The following HDAC8 variants were observed in gnomAD, a reference collection of about 807,000 sequenced individuals.
HDAC8 encodes the protein histone deacetylase-like 1.
Under a neutral mutation model 32.2 loss-of-function variants are expected in HDAC8, and 1 was observed. The observed-to-expected ratio is 0.03, with a 90% CI of 0.01 to 0.15. The LOEUF (loss-of-function observed/expected upper bound fraction) is 0.15, where lower values mean the gene tolerates loss of function less well. Ranked by LOEUF, HDAC8 falls within the 10% of genes least tolerant of loss-of-function variation. The pLI is 1.00. For synonymous variants in HDAC8, 108 were observed against 113.9 expected (o/e 0.95, Z 0.33); for missense variants, 117 against 300.0 (o/e 0.39, Z 4.51).
At chrX:72,422,915 C>T (rs1450116095) in intron 9 of HDAC8, among the ~76,000 whole-genome samples, 6 of 111,438 alleles carry the variant, frequency 5.4e-5, no homozygotes, top group African/African-American at 9.8e-5. Flanking sequence ...GGGTCCCACA[C>T]TGCAAACACA....
chrX:72,422,097 T>C (rs948685854), intron 9 of HDAC8, among the ~76,000 whole-genome samples: 1 of 111,764 alleles, frequency 8.9e-6, no homozygotes, highest in Non-Finnish European at 1.9e-5. Context: ...TCTTTGTCTT[T>C]GTCAACAGTT....
chrX:72,342,537 T>C (rs1434028679), intron 10 of HDAC8, among the ~76,000 whole-genome samples: 1 of 112,521 alleles, frequency 8.9e-6, no homozygotes, highest in African/African-American at 3.2e-5. Context: ...GTTTACCTTA[T>C]TTTTCCTAAT....
chrX:72,497,859 A>G (rs782452857), intron 4 of HDAC8, among the ~76,000 whole-genome samples: 2 of 111,809 alleles, frequency 1.8e-5, no homozygotes, highest in Non-Finnish European at 3.8e-5. Flanking sequence ...TCTAAGTAAG[A>G]GAATGCTGAA....
At chrX:72,492,086 G>T (rs969934231) in intron 5 of HDAC8, among the ~76,000 whole-genome samples, 3 of 111,461 alleles carry the variant, frequency 2.7e-5, no homozygotes, top group African/African-American at 9.8e-5. Context: ...CAAAAAGCAT[G>T]AAGTAAAAAA....
intron 6 of HDAC8, among the ~76,000 whole-genome samples, chrX:72,490,102 A>T (rs2048813023): frequency 9.1e-6 from 1 of 110,028 alleles, no homozygotes; most frequent in African/African-American, 3.3e-5. Context: ...GTCAGGAAAC[A>T]ACAGGTGCTG....
intron 10 of HDAC8, among the ~76,000 whole-genome samples, chrX:72,348,579 G>A (rs782306832): frequency 8.9e-6 from 1 of 112,097 alleles, no homozygotes; most frequent in African/African-American, 3.2e-5. Flanking sequence ...ATTTCTCTTT[G>A]GTTCTGAGCT....
intron 10 of HDAC8, among the ~76,000 whole-genome samples, chrX:72,332,676 C>T (rs1352423114): frequency 9.3e-6 from 1 of 107,625 alleles, no homozygotes; most frequent in Non-Finnish European, 1.9e-5. Flanking sequence ...TTTTGAGACA[C>T]AGTCTCACTC....
At chrX:72,374,810 CTTT>C (rs782179373) in intron 9 of HDAC8, among the ~76,000 whole-genome samples, 1 of 97,853 alleles carries the variant, frequency 1.0e-5, no homozygotes, top group Non-Finnish European at 2.1e-5. Flanking sequence ...TTCTTTCTTT[CTTT>C]TTTTTTTTTT....
chrX:72,528,789 C>A (rs999326260), intron 4 of HDAC8, among the ~76,000 whole-genome samples: 1 of 111,924 alleles, frequency 8.9e-6, no homozygotes, highest in Non-Finnish European at 1.9e-5. Context: ...GGGGGTGGAA[C>A]TACCTTACTC....
chrX:72,534,470 G>T (rs1946543526), intron 4 of HDAC8, among the ~76,000 whole-genome samples: 1 of 109,193 alleles, frequency 9.2e-6, no homozygotes, highest in Admixed American at 9.8e-5. Flanking sequence ...CACCATGCCC[G>T]GCTAATTTTT....
intron 7 of HDAC8, among the ~76,000 whole-genome samples, chrX:72,466,116 G>A (rs782455371): frequency 6.0e-4 from 67 of 111,989 alleles, no homozygotes; most frequent in Non-Finnish European, 8.1e-4. Flanking sequence ...CATGTACAGA[G>A]CACCCTATTA....
intron 2 of HDAC8, among the ~76,000 whole-genome samples, chrX:72,570,778 G>A (rs996542345): frequency 8.9e-6 from 1 of 112,011 alleles, no homozygotes. Context: ...ATTGTCATAA[G>A]TAATCCTATA....
At chrX:72,519,091 C>T in intron 4 of HDAC8, among the ~76,000 whole-genome samples, 1 of 112,350 alleles carries the variant, frequency 8.9e-6, no homozygotes, top group Non-Finnish European at 1.9e-5. Flanking sequence ...GTGTAAATAA[C>T]CTAGGAGCAC....
intron 7 of HDAC8, among the ~76,000 whole-genome samples, chrX:72,465,605 TA>T (rs1323245265): frequency 5.4e-5 from 6 of 111,557 alleles, no homozygotes; most frequent in African/African-American, 1.6e-4. Context: ...ACAGAATATA[TA>T]CCAGCCCTCA....
chrX:72,526,034 C>A (rs1373490544), intron 4 of HDAC8, among the ~76,000 whole-genome samples: 4 of 109,484 alleles, frequency 3.7e-5, no homozygotes, highest in African/African-American at 1.3e-4. Context: ...GAGTTTGAGA[C>A]CAGCCTGGGC....
chrX:72,359,737 G>C (rs1025540195), intron 9 of HDAC8, among the ~76,000 whole-genome samples: 1 of 111,001 alleles, frequency 9.0e-6, no homozygotes, highest in African/African-American at 3.3e-5. Flanking sequence ...TGATTGCTGT[G>C]GGGATGGAGT....
chrX:72,333,460 G>A (rs781909159), intron 10 of HDAC8, among the ~76,000 whole-genome samples: 131 of 111,615 alleles, frequency 1.2e-3, no homozygotes, highest in African/African-American at 4.1e-3. Flanking sequence ...AGGCTGAGGT[G>A]GATGCATCAC....
intron 4 of HDAC8, among the ~76,000 whole-genome samples, chrX:72,522,934 A>T (rs1412142212): frequency 8.9e-6 from 1 of 112,172 alleles, no homozygotes; most frequent in Non-Finnish European, 1.9e-5. Flanking sequence ...TTTCCACGTC[A>T]ATAAGTGTAG....
intron 9 of HDAC8, among the ~76,000 whole-genome samples, chrX:72,439,721 CAAAG>C (rs1305004681): frequency 1.2e-4 from 13 of 104,509 alleles, no homozygotes; most frequent in Non-Finnish European, 2.3e-4. Flanking sequence ...TCTAAAAAGA[CAAAG>C]AAGGGCATTA....
Sources: gnomAD v4.1 joint callset for allele counts (sites outside exome capture counted in the v4.1 genomes callset) on GRCh38, gnomAD v4.1.1 for gene constraint, MANE v1.5 for transcripts, NCBI Gene and HGNC (gene_info 2026-07-23, HGNC 2026-07-21) for gene names.